Variants in ABCB1 observed in about 807,000 individuals in gnomAD.
ABCB1 encodes ATP-dependent translocase ABCB1.
ABCB1 carries 69 observed loss-of-function variants against 142.0 expected under a neutral mutation model. The observed-to-expected ratio is 0.49, with a 90% confidence interval of 0.40 to 0.59. ABCB1 has a LOEUF of 0.59. Ranked by LOEUF, ABCB1 falls within the 20% of genes least tolerant of loss-of-function variation. The pLI is 0.00. For synonymous variants in ABCB1, 532 were observed against 539.2 expected, an observed-to-expected ratio of 0.99 and a Z score of 0.18; for missense variants, 1,326 against 1,554.7, an observed-to-expected ratio of 0.85 and a Z score of 2.47.
At chr7:87,581,911 C>T (rs1818528340) in intron 4 of ABCB1, among the ~76,000 whole-genome samples, 1 of 152,138 alleles carries the variant, frequency 6.6e-6, no homozygotes, top group African/African-American at 2.4e-5. Flanking sequence ...CTGACTGTAT[C>T]TCGGGCCCCA....
chr7:87,581,373 T>G (rs1339541394), intron 4 of ABCB1, among the ~76,000 whole-genome samples: 1 of 152,108 alleles, frequency 6.6e-6, no homozygotes, highest in Non-Finnish European at 1.5e-5. Flanking sequence ...ACAATCGCCT[T>G]TATCTAGGAT....
At chr7:87,682,125 A>T (rs1382774180) in intron 1 of ABCB1, among the ~76,000 whole-genome samples, 1 of 152,128 alleles carries the variant, frequency 6.6e-6, no homozygotes, top group Non-Finnish European at 1.5e-5. Context: ...ATAAGAAGGA[A>T]CTCCTCATCT....
Position 87,654,455 on chromosome 7 carries a change from A to G in ABCB1, c.-330-53377T>C, listed in dbSNP as rs776390804. ...CATTTCTGGTCTATTAATTTTCAAC[A>G]GAAGTGCCAAAACACACACTAGGGA... is the stretch of plus-strand genomic sequence containing the variant. On this transcript the variant is annotated intron_variant, in intron 1 of 28. Coordinates refer to the ABCB1 transcript ENST00000265724. Among the ~76,000 whole-genome samples the G allele has an allele frequency of 3.3e-5, 5 of 152,272 alleles. No individual in the cohort carries two copies. The East Asian group carries it at 9.6e-4, about 29-fold the overall frequency.
At chr7:87,569,262 A>G (rs1303511580) in intron 5 of ABCB1, among the ~76,000 whole-genome samples, 2 of 150,172 alleles carry the variant, frequency 1.3e-5, no homozygotes, top group Non-Finnish European at 3.0e-5. Flanking sequence ...GAAGCCAGGA[A>G]TCGAAGGTCG....
intron 1 of ABCB1, among the ~76,000 whole-genome samples, chr7:87,644,171 G>A (rs992393441): frequency 5.3e-5 from 8 of 152,216 alleles, no homozygotes; most frequent in African/African-American, 1.7e-4. Context: ...GCAAATTGTT[G>A]ATTCTGAAAA....
chr7:87,547,736 G>T (rs112312162), intron 14 of ABCB1, among the ~76,000 whole-genome samples: 1 of 151,544 alleles, frequency 6.6e-6, no homozygotes, highest in Non-Finnish European at 1.5e-5. Flanking sequence ...CAGGTGTGGC[G>T]GTGCATGCCT....
intron 3 of ABCB1, among the ~76,000 whole-genome samples, chr7:87,591,573 G>A (rs1819003079): frequency 6.6e-6 from 1 of 152,056 alleles, no homozygotes; most frequent in Admixed American, 6.6e-5. Context: ...TTTATGGAGC[G>A]TCGTTGTTGG....
At chr7:87,573,890 C>CAA (rs201487760) in intron 4 of ABCB1, among the ~76,000 whole-genome samples, 2,251 of 152,042 alleles carry the variant, frequency 0.015, 64 homozygotes, top group African/African-American at 0.051. Flanking sequence ...GAAACCTACA[C>CAA]GATATATATA....
chr7:87,623,227 A>C (rs1424686589), intron 1 of ABCB1, among the ~76,000 whole-genome samples: 1 of 152,166 alleles, frequency 6.6e-6, no homozygotes, highest in Non-Finnish European at 1.5e-5. Flanking sequence ...TGATTAATTG[A>C]TGCAATGCAT....
chr7:87,655,833 T>C (rs534063575), intron 1 of ABCB1, among the ~76,000 whole-genome samples: 1 of 152,146 alleles, frequency 6.6e-6, no homozygotes, highest in African/African-American at 2.4e-5. Flanking sequence ...TTGGGAGGTG[T>C]TCTTAGCTCA....
chr7:87,521,638 T>C, intron 21 of ABCB1: 2 of 796,702 alleles, frequency 2.5e-6, no homozygotes, highest in Non-Finnish European at 4.5e-6. Context: ...GGACTTTGGG[T>C]TTGTCACATA....
intron 26 of ABCB1, among the ~76,000 whole-genome samples, chr7:87,508,978 C>G (rs1000117457): frequency 6.6e-6 from 1 of 152,192 alleles, no homozygotes; most frequent in Non-Finnish European, 1.5e-5. Context: ...GAGCCTCAAG[C>G]CTATAGCTTT....
chr7:87,610,232 C>CTTTTTTTT (rs914468581), intron 1 of ABCB1, among the ~76,000 whole-genome samples: 2 of 117,056 alleles, frequency 1.7e-5, no homozygotes, highest in Non-Finnish European at 3.6e-5. Flanking sequence ...CTTTTTCTTT[C>CTTTTTTTT]TTTTTTTTTT....
At chr7:87,687,643 A>T (rs997414994) in intron 1 of ABCB1, among the ~76,000 whole-genome samples, 4 of 152,168 alleles carry the variant, frequency 2.6e-5, no homozygotes, top group Non-Finnish European at 5.9e-5. Context: ...TGAAAAATTG[A>T]TGGAAGAGTA....
At chr7:87,538,871 GGAAA>G (rs1427188800) in intron 19 of ABCB1, among the ~76,000 whole-genome samples, 2 of 152,050 alleles carry the variant, frequency 1.3e-5, no homozygotes, top group Non-Finnish European at 2.9e-5. Context: ...TTTGATTTGC[GGAAA>G]GAAAGAGTAC....
intron 4 of ABCB1, among the ~76,000 whole-genome samples, chr7:87,584,953 C>A (rs970580792): frequency 6.0e-5 from 9 of 150,780 alleles, no homozygotes; most frequent in Admixed American, 6.0e-4. Flanking sequence ...CCTAAAATAC[C>A]CCCCCACACA....
rs1373789549 is a variant in ABCB1, at chr7:87,541,465, C to T, written c.2212-1G>A. ...CAGGATCATCAATTCTTGTAAAAAC[C>T]TGTGAGAAAACATTTAAAGGATTTT... On this transcript the variant is annotated splice_acceptor_variant, in intron 17 of 27. Coordinates refer to ENST00000622132, the MANE Select transcript of ABCB1 (RefSeq NM_001348946.2). LOFTEE classifies it high-confidence loss of function. 1 of 1,586,158 alleles carries T rather than the reference C, an allele frequency of 6.3e-7. No homozygotes were observed. Among genetic ancestry groups the T allele is most frequent in the Non-Finnish European group, 8.7e-7 (1 of 1,154,822 alleles).
chr7:87,641,731 A>C (rs954399895), intron 1 of ABCB1, among the ~76,000 whole-genome samples: 1 of 152,244 alleles, frequency 6.6e-6, no homozygotes. Flanking sequence ...TGAAAGAAAG[A>C]AAGTGGATAT....
At chr7:87,531,233 A>T (rs531962907) in intron 21 of ABCB1, 61 bp downstream of exon 21, 1 of 1,439,704 alleles carries the variant, frequency 6.9e-7, no homozygotes, top group Non-Finnish European at 9.8e-7. Context: ...GAGTAACAAA[A>T]TAACACTGAT....
Sources: allele counts gnomAD v4.1 joint callset (sites outside exome capture counted in the v4.1 genomes callset), GRCh38; gene constraint gnomAD v4.1.1; transcripts MANE v1.5; gene names NCBI Gene and HGNC (gene_info 2026-07-23, HGNC 2026-07-21).